RALGAPA2: variants seen among roughly 807,000 people sequenced by gnomAD.
RALGAPA2 encodes the protein Ral GTPase activating protein catalytic subunit alpha 2.
Under a neutral mutation model 230.4 loss-of-function variants are expected in RALGAPA2, and 139 were observed. That is an observed-to-expected ratio of 0.60 (90% CI 0.53 to 0.69). RALGAPA2 has a LOEUF of 0.69. RALGAPA2 is among the 30% of genes least tolerant of loss of function. The probability of loss-of-function intolerance (pLI) is 0.00; values close to 1 mark genes in which losing one functional copy is unlikely to be tolerated. For missense variants in RALGAPA2, 2,163 were observed against 2,276.0 expected (o/e 0.95, Z 1.01); for synonymous variants, 847 against 837.8 (o/e 1.01, Z -0.19).
At chr20:20,655,738 T>C (rs1278761667) in intron 3 of RALGAPA2, among the ~76,000 whole-genome samples, 2 of 151,944 alleles carry the variant, frequency 1.3e-5, no homozygotes, top group Non-Finnish European at 2.9e-5. Flanking sequence ...AGAGAGGCAA[T>C]GGTAGCATTT....
At chr20:20,565,758 T>C (rs1439268141) in intron 23 of RALGAPA2, among the ~76,000 whole-genome samples, 2 of 152,150 alleles carry the variant, frequency 1.3e-5, no homozygotes, top group South Asian at 2.1e-4. Context: ...ATTTTAAAAA[T>C]ACAAAAATTA....
At chr20:20,575,724 G>A (rs890244246) in intron 20 of RALGAPA2, among the ~76,000 whole-genome samples, 1 of 152,112 alleles carries the variant, frequency 6.6e-6, no homozygotes, top group African/African-American at 2.4e-5. Flanking sequence ...ATTTAAGTCA[G>A]GTTGTTTCTT....
chr20:20,521,351 T>C (rs1422732323), intron 30 of RALGAPA2, among the ~76,000 whole-genome samples: 1 of 152,124 alleles, frequency 6.6e-6, no homozygotes, highest in East Asian at 1.9e-4. Flanking sequence ...TTCTGTGTGA[T>C]TGCACATACC....
Position 20,629,589 on chromosome 20 carries a change from G to C in RALGAPA2, c.1007C>G (p.Thr336Ser). ...CTCCTGCACAGCACCACCACCAACA[G>C]TCTGGAAGAAAGTCAGCACACTTCT... The part of the protein sequence containing the change: ...GVDVLPKIIQ[T>S]VGGGAVQERA... The change falls in exon 10 of 40, where the codon ACT becomes AGT. Residue 336 changes from threonine (T) to serine (S), a missense_variant and splice_region_variant. Thr to Ser is a moderately conservative substitution (Grantham distance 58). Transcript: ENST00000202677. 1.2e-6 allele frequency: 2 copies of C among 1,612,958 alleles called. No homozygotes were observed. Among genetic ancestry groups the C allele is most frequent in the Non-Finnish European group, 1.7e-6 (2 of 1,179,808 alleles).
chr20:20,629,273 C>G, intron 10 of RALGAPA2, 90 bp downstream of exon 10: 1 of 1,090,444 alleles, frequency 9.2e-7, no homozygotes, highest in Non-Finnish European at 1.3e-6. Context: ...TGGCGTGTTA[C>G]AAGTAAAAGA....
intron 4 of RALGAPA2, among the ~76,000 whole-genome samples, chr20:20,649,071 G>A (rs957434225): frequency 1.3e-5 from 2 of 152,168 alleles, no homozygotes; most frequent in South Asian, 2.1e-4. Flanking sequence ...CACCCTGAGA[G>A]GGCATGGAAA....
chr20:20,507,731 C>T (rs1169931750), intron 33 of RALGAPA2, among the ~76,000 whole-genome samples: 1 of 152,178 alleles, frequency 6.6e-6, no homozygotes, highest in Non-Finnish European at 1.5e-5. Flanking sequence ...GAAAGTGCCA[C>T]ACCATTCACT....
At chr20:20,418,008 C>A (rs1395301028) in intron 37 of RALGAPA2, among the ~76,000 whole-genome samples, 2 of 152,050 alleles carry the variant, frequency 1.3e-5, no homozygotes, top group African/African-American at 4.8e-5. Flanking sequence ...AAAACATGAA[C>A]CACAGGGAGA....
chr20:20,693,164 G>GA (rs1165077500), intron 1 of RALGAPA2, among the ~76,000 whole-genome samples: 2 of 152,206 alleles, frequency 1.3e-5, no homozygotes, highest in Non-Finnish European at 2.9e-5. Flanking sequence ...ATCCAGGAGT[G>GA]ATAGTCCTTG....
chr20:20,464,389 A>G (rs978417752), intron 37 of RALGAPA2, among the ~76,000 whole-genome samples: 2 of 152,160 alleles, frequency 1.3e-5, no homozygotes, highest in African/African-American at 4.8e-5. Context: ...AAGAGTTAAA[A>G]ACAAAAAACC....
chr20:20,682,883 C>A (rs575475170), intron 1 of RALGAPA2, among the ~76,000 whole-genome samples: 3 of 152,298 alleles, frequency 2.0e-5, no homozygotes, highest in African/African-American at 7.2e-5. Flanking sequence ...AATCTCATCT[C>A]ATCTCTGCTG....
At chr20:20,700,053 A>T (rs924858284) in intron 1 of RALGAPA2, among the ~76,000 whole-genome samples, 1 of 152,220 alleles carries the variant, frequency 6.6e-6, no homozygotes, top group East Asian at 1.9e-4. Context: ...CATGGAATCA[A>T]CCTAACTGCC....
At chr20:20,647,754 C>G (rs1478867339) in intron 4 of RALGAPA2, among the ~76,000 whole-genome samples, 1 of 151,272 alleles carries the variant, frequency 6.6e-6, no homozygotes, top group African/African-American at 2.4e-5. Flanking sequence ...TGAACTTCAC[C>G]AAAGAAGACA....
At chr20:20,449,032 T>C (rs1362896027) in intron 37 of RALGAPA2, among the ~76,000 whole-genome samples, 3 of 152,194 alleles carry the variant, frequency 2.0e-5, no homozygotes, top group Non-Finnish European at 4.4e-5. Context: ...AGAGAGCTTT[T>C]CACAGGCAAA....
rs545364104 is a variant in RALGAPA2 at position 20,637,797 on chromosome 20, G to GT, written c.667-297dup. Among the ~76,000 whole-genome samples the GT allele has an allele frequency of 1.6e-3, 243 of 152,028 alleles. 3 individuals carry two copies. The highest frequency in any genetic ancestry group is 6.8e-3 in the Middle Eastern group (2 of 294). ...TATCATGCCCATATTTTTTCTCTAC[G>GT]TTTTTTGTAATTATCTAACATTCCT... On this transcript the variant is annotated intron_variant, in intron 7 of 39. Transcript: ENST00000202677.
intron 16 of RALGAPA2, among the ~76,000 whole-genome samples, chr20:20,594,282 AATTT>A (rs1484147418): frequency 6.6e-6 from 1 of 152,198 alleles, no homozygotes; most frequent in African/African-American, 2.4e-5. Flanking sequence ...TGACAGAAAC[AATTT>A]CTTTATACTA....
At chr20:20,507,037 T>A (rs2062556733) in intron 33 of RALGAPA2, among the ~76,000 whole-genome samples, 2 of 152,244 alleles carry the variant, frequency 1.3e-5, no homozygotes, top group South Asian at 4.1e-4. Context: ...AGGATACACT[T>A]TTGCATGCAC....
rs375967155 is a variant in RALGAPA2 at position 20,495,140 on chromosome 20, T to C, written c.5344A>G (p.Ile1782Val). The C allele has an allele frequency of 1.9e-6, 3 of 1,608,240 alleles. No homozygotes were observed. The African/African-American group carries it at 4.0e-5, about 21-fold the overall frequency. ...ACCTCAGGTTTCTTCGTTATCGCGA[T>C]GAAGAACATGTGATTCTTCATTGGG... Reference protein sequence around the residue: ...IYPMKNHMFFIAITKKPEVPF... With the variant: ...IYPMKNHMFFVAITKKPEVPF... Residue 1782 changes from isoleucine to valine, a missense_variant, in exon 36 of 40, where the codon ATC becomes GTC. Ile to Val is a conservative substitution (Grantham distance 29). Transcript: ENST00000202677.
chr20:20,565,238 A>G (rs2064377258), intron 23 of RALGAPA2, among the ~76,000 whole-genome samples: 1 of 152,192 alleles, frequency 6.6e-6, no homozygotes, highest in African/African-American at 2.4e-5. Context: ...CTGAATACTC[A>G]CTTATGTTTC....
Sources: gnomAD v4.1 joint callset for allele counts (sites outside exome capture counted in the v4.1 genomes callset) on GRCh38, gnomAD v4.1.1 for gene constraint, MANE v1.5 for transcripts, NCBI Gene and HGNC (gene_info 2026-07-23, HGNC 2026-07-21) for gene names.